GLYATL2: variants seen among roughly 807,000 people sequenced by gnomAD.
GLYATL2 encodes the protein glycine N-acyltransferase-like protein 2.
A neutral mutation model predicts 21.4 loss-of-function variants in GLYATL2; 25 were observed. The ratio of observed to expected loss-of-function variants is 1.17; its 90% CI spans 0.85 to 1.63. The LOEUF is 1.63. GLYATL2 is among the 40% of genes most tolerant of loss of function. GLYATL2 has a pLI of 0.00. For synonymous variants in GLYATL2, 114 were observed against 118.2 expected (o/e 0.96, Z 0.23); for missense variants, 361 against 343.3 (o/e 1.05, Z -0.41).
chr11:58,872,869 C>A (rs1854151474), intron 1 of GLYATL2, among the ~76,000 whole-genome samples: 1 of 152,134 alleles, frequency 6.6e-6, no homozygotes, highest in African/African-American at 2.4e-5. Flanking sequence ...TATAAATTAC[C>A]TTGGGCAGTA....
At chr11:58,853,475 G>A (rs1459536440) in intron 1 of GLYATL2, among the ~76,000 whole-genome samples, 2 of 152,156 alleles carry the variant, frequency 1.3e-5, no homozygotes, top group Non-Finnish European at 2.9e-5. Context: ...ATCACTGGGG[G>A]TCCTGGAACC....
chr11:58,864,472 T>G (rs573297132), intron 1 of GLYATL2, among the ~76,000 whole-genome samples: 1 of 149,120 alleles, frequency 6.7e-6, no homozygotes. Flanking sequence ...TGTGGGGCCA[T>G]AGGGGCATAC....
At chr11:58,897,112 A>G (rs1854648703) in intron 1 of GLYATL2, among the ~76,000 whole-genome samples, 1 of 152,228 alleles carries the variant, frequency 6.6e-6, no homozygotes, top group Non-Finnish European at 1.5e-5. Flanking sequence ...TTTTACCTTC[A>G]GTAAAGGCAT....
At chr11:58,871,094 G>A (rs1040498039) in intron 1 of GLYATL2, among the ~76,000 whole-genome samples, 1 of 152,264 alleles carries the variant, frequency 6.6e-6, no homozygotes, top group Non-Finnish European at 1.5e-5. Flanking sequence ...GAAGCAGGAT[G>A]GGTGGAGAGG....
intron 1 of GLYATL2, among the ~76,000 whole-genome samples, chr11:58,853,375 T>C (rs1215239659): frequency 2.0e-5 from 3 of 152,150 alleles, no homozygotes; most frequent in Non-Finnish European, 4.4e-5. Flanking sequence ...ATTTGCAGGA[T>C]TCAAAACCTG....
At chr11:58,861,205 T>G (rs1331779861) in intron 1 of GLYATL2, among the ~76,000 whole-genome samples, 1 of 152,076 alleles carries the variant, frequency 6.6e-6, no homozygotes, top group Non-Finnish European at 1.5e-5. Context: ...AATTCAGCAG[T>G]GAAGCCATAA....
At chr11:58,887,764 A>G (rs1854469170) in intron 1 of GLYATL2, among the ~76,000 whole-genome samples, 1 of 152,186 alleles carries the variant, frequency 6.6e-6, no homozygotes, top group Admixed American at 6.5e-5. Flanking sequence ...CAAATTGTTC[A>G]TACTTCTTTG....
At chr11:58,873,960 C>T (rs1261828294) in intron 1 of GLYATL2, among the ~76,000 whole-genome samples, 3 of 152,146 alleles carry the variant, frequency 2.0e-5, no homozygotes, top group Non-Finnish European at 2.9e-5. Flanking sequence ...GCCTCAATTT[C>T]AGAGGGTGTT....
In GLYATL2 at chr11:58,893,013, C is replaced by T. The variant is rs141994716; in HGVS notation, n.60+11143G>A. On this transcript the variant is annotated intron_variant and non_coding_transcript_variant, in intron 1 of 4. Transcript: ENST00000533636. ...GGTAGGTCTTCAAACAAGAGGAGTG[C>T]CTGGGATCTCTTCTTTTTGTTTTCT... The T allele has an allele frequency of 9.0e-4, 293 of 327,198 alleles. 3 individuals are homozygous for T. The highest frequency in any genetic ancestry group is 5.3e-3 in the African/African-American group (244 of 45,766). 20.3% of individuals were successfully genotyped at this position (327,198 alleles called of 1,614,324 possible). A position where few individuals can be genotyped will look rare whatever the true frequency, so the allele number is the denominator to read the frequency against.
chr11:58,882,818 A>G (rs189981392), intron 1 of GLYATL2, among the ~76,000 whole-genome samples: 6 of 152,266 alleles, frequency 3.9e-5, no homozygotes, highest in African/African-American at 1.4e-4. Context: ...AGTTTTCCCA[A>G]TACCATTTAT....
intron 1 of GLYATL2, chr11:58,893,371 C>A: frequency 4.6e-6 from 1 of 218,328 alleles, no homozygotes; most frequent in Non-Finnish European, 1.0e-5. Flanking sequence ...TAAAGGCACC[C>A]ACACATTTCT....
At chr11:58,840,023 C>A (rs1159174620) in intron 1 of GLYATL2, among the ~76,000 whole-genome samples, 6 of 152,056 alleles carry the variant, frequency 3.9e-5, no homozygotes, top group Admixed American at 1.3e-4. Flanking sequence ...GAGAGCCCAC[C>A]ACCCCCAAGC....
intron 1 of GLYATL2, among the ~76,000 whole-genome samples, chr11:58,882,642 A>T (rs187678636): frequency 6.6e-6 from 1 of 152,322 alleles, no homozygotes; most frequent in East Asian, 1.9e-4. Context: ...GGTTTTAGTC[A>T]TGAAGTCCTT....
intron 1 of GLYATL2, among the ~76,000 whole-genome samples, chr11:58,876,936 C>G (rs1244528257): frequency 2.0e-5 from 3 of 152,270 alleles, no homozygotes; most frequent in Non-Finnish European, 4.4e-5. Context: ...GTGGGCTCCA[C>G]CCAGTTCGAG....
chr11:58,858,759 CT>C lies in GLYATL2; in HGVS notation n.61-20392del, dbSNP rs199920415. On this transcript the variant is annotated intron_variant and non_coding_transcript_variant, in intron 1 of 4. Coordinates refer to the GLYATL2 transcript ENST00000533636. ...TGGTTGTTTTCCTGCCTAATGTGAACTTCCGTGTCCCTGATTCCTCAGGAAT... is the reference window on the plus strand; with the variant it reads ...TGGTTGTTTTCCTGCCTAATGTGAACTCCGTGTCCCTGATTCCTCAGGAAT... Among the ~76,000 whole-genome samples, 1,011 of 152,310 alleles carry C rather than the reference CT, an allele frequency of 6.6e-3. 4 individuals are homozygous for C. Among genetic ancestry groups the C allele is most frequent in the Non-Finnish European group, 0.011 (726 of 68,028 alleles).
chr11:58,872,255 G>A (rs922047397), intron 1 of GLYATL2, among the ~76,000 whole-genome samples: 6 of 152,124 alleles, frequency 3.9e-5, no homozygotes, highest in Non-Finnish European at 7.4e-5. Flanking sequence ...TCTGATGGTG[G>A]TTTCTTTTGC....
chr11:58,843,271 G>A (rs1386273111), intron 1 of GLYATL2, among the ~76,000 whole-genome samples: 1 of 152,170 alleles, frequency 6.6e-6, no homozygotes, highest in Non-Finnish European at 1.5e-5. Flanking sequence ...CAGTAAGTGG[G>A]TGAGGGAGTA....
At chr11:58,892,747 T>C (rs1044531388) in intron 1 of GLYATL2, 3 of 347,318 alleles carry the variant, frequency 8.6e-6, no homozygotes, top group Non-Finnish European at 1.7e-5. Context: ...CATTCCTCTG[T>C]ATTATGGAAG....
At chr11:58,891,270 C>T (rs569758170) in intron 1 of GLYATL2, among the ~76,000 whole-genome samples, 1 of 152,280 alleles carries the variant, frequency 6.6e-6, no homozygotes. Flanking sequence ...TATATTTCCC[C>T]TGAGAAACAC....
Sources: allele counts gnomAD v4.1 joint callset (sites outside exome capture counted in the v4.1 genomes callset), GRCh38; gene constraint gnomAD v4.1.1; transcripts MANE v1.5; gene names NCBI Gene and HGNC (gene_info 2026-07-23, HGNC 2026-07-21).